SLC37A1: variants seen among roughly 807,000 people sequenced by gnomAD.
SLC37A1 encodes the protein glucose-6-phosphate exchanger SLC37A1.
Under a neutral mutation model 75.3 loss-of-function variants are expected in SLC37A1, and 49 were observed. The observed-to-expected ratio is 0.65, with a 90% CI of 0.52 to 0.83. SLC37A1 has a LOEUF of 0.83. Among genes scored for constraint, SLC37A1 ranks in the 40% least tolerant of loss-of-function variants. The probability of loss-of-function intolerance (pLI) is 0.00; values close to 1 mark genes in which losing one functional copy is unlikely to be tolerated. For synonymous variants in SLC37A1, 268 were observed against 292.1 expected (o/e 0.92, Z 0.84); for missense variants, 566 against 695.0 (o/e 0.81, Z 2.09).
intron 6 of SLC37A1, among the ~76,000 whole-genome samples, chr21:42,541,622 TAAC>T (rs2055285283): frequency 6.6e-6 from 1 of 152,254 alleles, no homozygotes; most frequent in Admixed American, 6.5e-5. Context: ...AGAGAATGAT[TAAC>T]AACAGTACCT....
At chr21:42,575,612 C>T in intron 18 of SLC37A1, 1 of 985,432 alleles carries the variant, frequency 1.0e-6, no homozygotes. Context: ...CACATCTTTA[C>T]AAGTCACCTG....
Position 42,564,783 on chromosome 21 carries a change from CG to C in SLC37A1, c.1213del (p.Ala405ProfsTer50). ...ACCTGCGGCCTGATGCTGCTGCTCG[CG>C]GCCCCCACGGTCAGCCGTGCTGCCT... is the stretch of plus-strand genomic sequence containing the variant. Reference protein sequence around the residue: ...ASTCGLMLLLAAPTLYIFSTV... With the variant: ...ASTCGLMLLLXAPTLYIFSTV... On this transcript the variant is annotated frameshift_variant, in exon 14 of 20. Transcript: ENST00000352133. LOFTEE classifies it high-confidence loss of function. The C allele has an allele frequency of 6.2e-7, 1 of 1,605,350 alleles. No individual in the cohort carries two copies. Among genetic ancestry groups the C allele is most frequent in the Non-Finnish European group, 8.5e-7 (1 of 1,179,908 alleles).
At chr21:42,535,639 C>T (rs1396152375) in intron 5 of SLC37A1, 89 bp downstream of exon 5, 25 of 1,201,986 alleles carry the variant, frequency 2.1e-5, no homozygotes, top group South Asian at 1.3e-4. Flanking sequence ...TGCACAGGCG[C>T]GCGGGATTGA....
upstream of SLC37A1, among the ~76,000 whole-genome samples, chr21:42,513,741 G>A (rs985877050): frequency 3.7e-4 from 55 of 147,612 alleles, no homozygotes; most frequent in African/African-American, 1.2e-3. Flanking sequence ...GGCCGGGGCC[G>A]GAGCCGGGGG....
At chr21:42,565,799 C>T in intron 14 of SLC37A1, 28 bp from the exon 15 acceptor site, 1 of 1,610,466 alleles carries the variant, frequency 6.2e-7, no homozygotes, top group Non-Finnish European at 8.5e-7. Context: ...CCAGCCATGG[C>T]TTTGACCTTG....
Position 42,547,321 on chromosome 21 carries a change from C to T in SLC37A1, c.768+181C>T. The T allele has an allele frequency of 1.6e-6, 1 of 644,566 alleles. No homozygotes were observed. Among genetic ancestry groups the T allele is most frequent in the Admixed American group, 2.8e-5 (1 of 36,288 alleles). 39.9% of individuals were successfully genotyped at this position (644,566 alleles called of 1,614,324 possible). On this transcript the variant is annotated intron_variant, in intron 9 of 19. Transcript: ENST00000352133. The surrounding 1 kb of genome is among the most constrained non-coding windows in gnomAD (Gnocchi z 6.1). The stretch of plus-strand genomic sequence containing the variant: ...CTGTTTTGGGTTTCGCTGATAATAA[C>T]CTTATCAGCAAAACCCAGACAAGAG...
At chr21:42,519,255 G>T (rs1312731269) in intron 2 of SLC37A1, among the ~76,000 whole-genome samples, 1 of 152,186 alleles carries the variant, frequency 6.6e-6, no homozygotes, top group African/African-American at 2.4e-5. Context: ...TAGAATTCTG[G>T]GCTTATGCAC....
At chr21:42,578,087 A>G (rs2056344554) in intron 18 of SLC37A1, among the ~76,000 whole-genome samples, 3 of 152,348 alleles carry the variant, frequency 2.0e-5, no homozygotes, top group Admixed American at 2.0e-4. Flanking sequence ...TTTCACCAAA[A>G]TAGACAAGTG....
intron 8 of SLC37A1, among the ~76,000 whole-genome samples, chr21:42,546,184 G>C (rs2055402924): frequency 6.6e-6 from 1 of 152,202 alleles, no homozygotes; most frequent in Non-Finnish European, 1.5e-5. Context: ...CAGTAGGGCT[G>C]GTTTCCCGCA....
chr21:42,580,091 CTCCCTCCCTCCTCTTT>C, intron 19 of SLC37A1, among the ~76,000 whole-genome samples: 1 of 152,058 alleles, frequency 6.6e-6, no homozygotes, highest in East Asian at 1.9e-4. Context: ...TCGCCCCCTT[CTCCCTCCCTCCTCTTT>C]TCCCTCCCCC....
At chr21:42,539,961 A>G (rs2055233835) in intron 6 of SLC37A1, among the ~76,000 whole-genome samples, 1 of 152,190 alleles carries the variant, frequency 6.6e-6, no homozygotes, top group African/African-American at 2.4e-5. Flanking sequence ...GAAATGTTTT[A>G]TCTTGCGAAA....
intron 17 of SLC37A1, among the ~76,000 whole-genome samples, chr21:42,570,953 G>A (rs1046228875): frequency 6.6e-5 from 10 of 152,168 alleles, no homozygotes; most frequent in South Asian, 2.1e-4. Flanking sequence ...CTGACTGTCC[G>A]CGGAGCTGCC....
chr21:42,508,321 G>T (rs1330761580), intron 2 of SLC37A1, among the ~76,000 whole-genome samples: 1 of 151,914 alleles, frequency 6.6e-6, no homozygotes, highest in African/African-American at 2.4e-5. Flanking sequence ...TAGAGACAGG[G>T]TTTCACCATG....
At chr21:42,518,031 A>G (rs2054555293) in intron 1 of SLC37A1, among the ~76,000 whole-genome samples, 1 of 152,184 alleles carries the variant, frequency 6.6e-6, no homozygotes, top group East Asian at 1.9e-4. Flanking sequence ...CTTTTTATCC[A>G]CCATCAGAAC....
chr21:42,572,864 C>G (rs546642882), intron 17 of SLC37A1, among the ~76,000 whole-genome samples: 8 of 152,090 alleles, frequency 5.3e-5, no homozygotes, highest in Admixed American at 1.3e-4. Context: ...AGACACAGGG[C>G]AGACCTAGGT....
upstream of SLC37A1, among the ~76,000 whole-genome samples, chr21:42,511,502 T>C (rs572861771): frequency 6.6e-6 from 1 of 152,180 alleles, no homozygotes; most frequent in Non-Finnish European, 1.5e-5. Flanking sequence ...AAAACAAATA[T>C]AGGCCAGGCA....
At chr21:42,551,566 C>T (rs961391844) in intron 9 of SLC37A1, among the ~76,000 whole-genome samples, 6 of 152,216 alleles carry the variant, frequency 3.9e-5, no homozygotes, top group African/African-American at 1.2e-4. Context: ...GAATTGTGAA[C>T]ATTAAATGAG....
At chr21:42,543,807 C>T (rs1245465692) in intron 8 of SLC37A1, among the ~76,000 whole-genome samples, 3 of 152,222 alleles carry the variant, frequency 2.0e-5, no homozygotes, top group South Asian at 2.1e-4. Context: ...TCCCCTGATT[C>T]TGGAGTGACC....
At chr21:42,507,733 G>A (rs893514230) in intron 2 of SLC37A1, among the ~76,000 whole-genome samples, 1 of 152,166 alleles carries the variant, frequency 6.6e-6, no homozygotes, top group African/African-American at 2.4e-5. Flanking sequence ...GGGGAAGGAA[G>A]AGAGAGAGCA....
Sources: allele counts gnomAD v4.1 joint callset (sites outside exome capture counted in the v4.1 genomes callset), GRCh38; gene constraint gnomAD v4.1.1; non-coding constraint Gnocchi (gnomAD v3.1); transcripts MANE v1.5; gene names NCBI Gene and HGNC (gene_info 2026-07-23, HGNC 2026-07-21).